The following PCDH15 variants were observed in gnomAD, a reference collection of about 807,000 sequenced individuals.
PCDH15 encodes the protein protocadherin related 15.
In PCDH15, 129 loss-of-function variants were observed where a neutral mutation model predicts 178.5. The ratio of observed to expected loss-of-function variants is 0.72; its 90% CI spans 0.63 to 0.84. The LOEUF is 0.84. PCDH15 is among the 40% of genes least tolerant of loss of function. The probability of loss-of-function intolerance (pLI) is 0.00; values close to 1 mark genes in which losing one functional copy is unlikely to be tolerated. For synonymous variants in PCDH15, 800 were observed against 732.0 expected (o/e 1.09, Z -1.50); for missense variants, 2,230 against 2,099.9 (o/e 1.06, Z -1.21).
chr10:55,524,008 T>C (rs895942656), intron 2 of PCDH15, among the ~76,000 whole-genome samples: 3 of 151,482 alleles, frequency 2.0e-5, no homozygotes, highest in Non-Finnish European at 4.4e-5. Context: ...TATTCTTCTA[T>C]GCTGCCACCT....
intron 2 of PCDH15, among the ~76,000 whole-genome samples, chr10:54,658,451 C>A (rs1219049358): frequency 6.6e-6 from 1 of 152,036 alleles, no homozygotes; most frequent in Non-Finnish European, 1.5e-5. Flanking sequence ...ACCTTACAAG[C>A]CAGAAGGAAT....
intron 1 of PCDH15, among the ~76,000 whole-genome samples, chr10:54,707,700 T>C (rs982748788): frequency 6.6e-6 from 1 of 152,198 alleles, no homozygotes; most frequent in Non-Finnish European, 1.5e-5. Context: ...TGATTCTCAC[T>C]TCATGAAAAA....
chr10:54,450,507 G>A (rs1417035474), intron 3 of PCDH15, among the ~76,000 whole-genome samples: 1 of 150,972 alleles, frequency 6.6e-6, no homozygotes, highest in Non-Finnish European at 1.5e-5. Context: ...CGGCTTCTTG[G>A]TTTAATAGGA....
Position 55,103,645 on chromosome 10 carries a change from A to G in PCDH15, c.-80+62931T>C, listed in dbSNP as rs371485353. The stretch of plus-strand genomic sequence containing the variant: ...AATGGTGTAATCCTTCCTGATTTTC[A>G]TGATATTCTCTTTAATGGGATAGTC... On this transcript the variant is annotated intron_variant, in intron 2 of 5. Transcript: ENST00000458638. 2.6e-4 allele frequency among the ~76,000 whole-genome samples: 39 copies of G among 152,182 alleles called. 1 individual carries two copies. Among genetic ancestry groups the G allele is most frequent in the African/African-American group, 8.7e-4 (36 of 41,522 alleles).
intron 15 of PCDH15, among the ~76,000 whole-genome samples, chr10:54,123,872 C>G (rs1461594960): frequency 1.3e-5 from 2 of 152,004 alleles, no homozygotes; most frequent in African/African-American, 4.8e-5. Flanking sequence ...CAGCTGGAGG[C>G]CATCATCCTA....
chr10:54,493,786 C>T (rs964091078), intron 3 of PCDH15, among the ~76,000 whole-genome samples: 2 of 152,182 alleles, frequency 1.3e-5, no homozygotes, highest in African/African-American at 2.4e-5. Flanking sequence ...CACATGCACA[C>T]GTATTTTTAT....
intron 5 of PCDH15, among the ~76,000 whole-genome samples, chr10:54,363,727 G>C (rs1389461720): frequency 6.6e-6 from 1 of 152,068 alleles, no homozygotes; most frequent in Non-Finnish European, 1.5e-5. Flanking sequence ...TACCAACAAT[G>C]TATGAAAGTT....
At chr10:53,858,523 G>GT (rs1163149267) in intron 27 of PCDH15, among the ~76,000 whole-genome samples, 1 of 152,116 alleles carries the variant, frequency 6.6e-6, no homozygotes, top group Non-Finnish European at 1.5e-5. Flanking sequence ...AGATATTTCA[G>GT]TTTTTCAGGA....
At chr10:55,046,175 T>A (rs1467575918) in intron 2 of PCDH15, among the ~76,000 whole-genome samples, 2 of 151,986 alleles carry the variant, frequency 1.3e-5, no homozygotes, top group Non-Finnish European at 2.9e-5. Flanking sequence ...AATCGTCGTT[T>A]TCACTTCTGC....
intron 2 of PCDH15, among the ~76,000 whole-genome samples, chr10:54,957,426 AGT>A (rs933307046): frequency 3.3e-5 from 5 of 151,848 alleles, no homozygotes; most frequent in Admixed American, 3.3e-4. Flanking sequence ...ATTACAAAGA[AGT>A]GTGTGTGGTA....
chr10:54,700,047 G>A (rs535735752), intron 1 of PCDH15, among the ~76,000 whole-genome samples: 35 of 152,136 alleles, frequency 2.3e-4, no homozygotes, highest in Non-Finnish European at 4.3e-4. Flanking sequence ...AACTAACAAA[G>A]CTAGGGGCCT....
chr10:54,521,343 T>C (rs1421827629), intron 3 of PCDH15, among the ~76,000 whole-genome samples: 1 of 152,142 alleles, frequency 6.6e-6, no homozygotes, highest in African/African-American at 2.4e-5. Flanking sequence ...ATAAACTCCT[T>C]AGAGAATACT....
chr10:53,890,681 C>A (rs933889423), intron 26 of PCDH15, among the ~76,000 whole-genome samples: 15 of 151,984 alleles, frequency 9.9e-5, no homozygotes, highest in African/African-American at 3.6e-4. Flanking sequence ...TCTGGATCAA[C>A]TTGATGGAGA....
intron 3 of PCDH15, among the ~76,000 whole-genome samples, chr10:54,811,462 A>C (rs2133729175): frequency 6.6e-6 from 1 of 151,962 alleles, no homozygotes; most frequent in African/African-American, 2.4e-5. Context: ...ATAGCTAAAT[A>C]ATTTTTTTTA....
chr10:53,998,126 C>T (rs1170334445), intron 20 of PCDH15, among the ~76,000 whole-genome samples: 2 of 152,116 alleles, frequency 1.3e-5, no homozygotes, highest in African/African-American at 4.8e-5. Flanking sequence ...CAAAACCATG[C>T]TCTTTTCTCT....
At chr10:55,125,959 A>G (rs1837888563) in intron 2 of PCDH15, among the ~76,000 whole-genome samples, 1 of 152,068 alleles carries the variant, frequency 6.6e-6, no homozygotes, top group African/African-American at 2.4e-5. Context: ...CCAAGTCTCA[A>G]TGCATATGAT....
At chr10:55,244,821 C>T (rs1841644250) in intron 1 of PCDH15, among the ~76,000 whole-genome samples, 1 of 151,178 alleles carries the variant, frequency 6.6e-6, no homozygotes, top group South Asian at 2.1e-4. Context: ...ATAATCCAGG[C>T]AGCCATTTCA....
chr10:55,073,080 G>T (rs2132015964), intron 2 of PCDH15, among the ~76,000 whole-genome samples: 1 of 152,148 alleles, frequency 6.6e-6, no homozygotes, highest in African/African-American at 2.4e-5. Flanking sequence ...AATAAATTAG[G>T]TATTGATGGG....
chr10:55,468,248 A>C (rs777583114), intron 2 of PCDH15: 3 of 152,156 alleles, frequency 2.0e-5, no homozygotes, highest in African/African-American at 7.2e-5. Flanking sequence ...TACAACTCAG[A>C]TAAGTCTGCC....
Sources: gnomAD v4.1 joint callset for allele counts (sites outside exome capture counted in the v4.1 genomes callset) on GRCh38, gnomAD v4.1.1 for gene constraint, MANE v1.5 for transcripts, NCBI Gene and HGNC (gene_info 2026-07-23, HGNC 2026-07-21) for gene names.